Variants in PIK3CA observed in about 807,000 individuals in gnomAD.
The protein encoded by PIK3CA is phosphatidylinositol-4,5-bisphosphate 3-kinase catalytic subunit alpha, also known as phosphatidylinositol 4,5-bisphosphate 3-kinase catalytic subunit alpha isoform.
In PIK3CA, 27 loss-of-function variants were observed where a neutral mutation model predicts 138.2. The ratio of observed to expected loss-of-function variants is 0.20; its 90% CI spans 0.14 to 0.27. The LOEUF is 0.27. Ranked by LOEUF, PIK3CA falls within the 10% of genes least tolerant of loss-of-function variation. PIK3CA has a pLI of 1.00. For missense variants in PIK3CA, 544 were observed against 1,277.4 expected, an observed-to-expected ratio of 0.43 and a Z score of 8.75; for synonymous variants, 358 against 413.2, an observed-to-expected ratio of 0.87 and a Z score of 1.62.
Position 179,239,869 on chromosome 3 carries a change from A to G in PIK3CA, c.*5505A>G, listed in dbSNP as rs1725405539. 1.8e-6 allele frequency: 1 copy of G among 561,682 alleles called. No homozygotes were observed. The highest frequency in any genetic ancestry group is 3.1e-5 in the East Asian group (1 of 32,202). 34.8% of individuals were successfully genotyped at this position (561,682 alleles called of 1,614,324 possible). A position where few individuals can be genotyped will look rare whatever the true frequency, so the allele number is the denominator to read the frequency against. ...AATGTCCTTTTAATGATGGCCCAGA[A>G]AGCATTTGACACAGCAAGATGCATG... On this transcript the variant is annotated 3_prime_UTR_variant, in exon 21 of 21. Transcript: ENST00000263967.
At chr3:179,223,218 A>G (rs1725007446) in intron 14 of PIK3CA, among the ~76,000 whole-genome samples, 1 of 152,254 alleles carries the variant, frequency 6.6e-6, no homozygotes, top group Non-Finnish European at 1.5e-5. Context: ...TCATTTGTAT[A>G]TAACAAGAAG....
intron 1 of PIK3CA, among the ~76,000 whole-genome samples, chr3:179,170,061 T>TGC (rs1459298042): frequency 1.6e-5 from 2 of 127,964 alleles, no homozygotes; most frequent in South Asian, 2.7e-4. Context: ...CACATGCGCG[T>TGC]GCACACGCGC....
chr3:179,149,397 G>T (rs1722950728), intron 1 of PIK3CA: 1 of 152,110 alleles, frequency 6.6e-6, no homozygotes, highest in Non-Finnish European at 1.5e-5. Context: ...TCGGCTCGAG[G>T]GGTTTATTTT....
intron 1 of PIK3CA, among the ~76,000 whole-genome samples, chr3:179,189,213 CA>C (rs918717817): frequency 6.7e-6 from 1 of 149,098 alleles, no homozygotes; most frequent in Non-Finnish European, 1.5e-5. Context: ...GACTCCATCT[CA>C]AAAAAAAAGT....
At chr3:179,198,231 A>C (rs568237298) in intron 1 of PIK3CA, among the ~76,000 whole-genome samples, 18 of 152,222 alleles carry the variant, frequency 1.2e-4, no homozygotes, top group Non-Finnish European at 2.2e-4. Flanking sequence ...CTAAGCCATA[A>C]AATTTCTCAT....
At position 179,225,914 on chromosome 3, in the gene PIK3CA, AT is replaced by A. The variant is rs749782620; in HGVS notation, c.2417-45del. ...AACCATGTGATGGCGTGATCCCCAA[AT>A]TTGCATCTGTGGCATTAAATGGTGA... On this transcript the variant is annotated intron_variant, in intron 16 of 20. Transcript: ENST00000263967. The A allele has an allele frequency of 1.9e-4, 175 of 943,738 alleles. 2 individuals are homozygous for A. The highest frequency in any genetic ancestry group is 2.8e-4 in the Non-Finnish European group (160 of 576,290). The allele number at this position is 943,738 out of a possible 1,614,324, so 58.5% of individuals were successfully genotyped here.
At chr3:179,152,461 C>T (rs1041421648) in intron 1 of PIK3CA, among the ~76,000 whole-genome samples, 3 of 152,116 alleles carry the variant, frequency 2.0e-5, no homozygotes, top group African/African-American at 7.2e-5. Context: ...ACAGTATTGG[C>T]TTTGGAATTT....
chr3:179,173,323 C>T (rs1723607852), intron 1 of PIK3CA, among the ~76,000 whole-genome samples: 1 of 146,574 alleles, frequency 6.8e-6, no homozygotes, highest in South Asian at 2.1e-4. Context: ...CTTTGGGAGG[C>T]TGAGGCGGGT....
At chr3:179,231,754 T>A (rs1268585034) in intron 20 of PIK3CA, among the ~76,000 whole-genome samples, 1 of 146,760 alleles carries the variant, frequency 6.8e-6, no homozygotes, top group Non-Finnish European at 1.5e-5. Flanking sequence ...GCAATTCTCC[T>A]GCCTCAGCCT....
intron 1 of PIK3CA, among the ~76,000 whole-genome samples, chr3:179,161,279 C>T (rs1723273300): frequency 6.6e-6 from 1 of 152,206 alleles, no homozygotes; most frequent in African/African-American, 2.4e-5. Flanking sequence ...CTTCTTGTCT[C>T]TAGGCAAAGG....
chr3:179,173,313 CT>C (rs1723607523), intron 1 of PIK3CA, among the ~76,000 whole-genome samples: 1 of 146,938 alleles, frequency 6.8e-6, no homozygotes, highest in East Asian at 2.0e-4. Flanking sequence ...AATCCCAGCA[CT>C]TTGGGAGGCT....
At position 179,185,358 on chromosome 3, in the gene PIK3CA, A is replaced by T. The variant is rs146345078; in HGVS notation, c.-76-13392A>T. ...CCTTTTTCTAGATTCTGTAGAAATA[A>T]ACCATTTTTCCTCTGCTCTCACACT... On this transcript the variant is annotated intron_variant, in intron 1 of 20. Transcript: ENST00000263967. Among the ~76,000 whole-genome samples, 381 of 152,334 alleles carry T rather than the reference A, an allele frequency of 2.5e-3. 5 individuals carry two copies. The highest frequency in any genetic ancestry group is 8.7e-3 in the African/African-American group (362 of 41,578).
At chr3:179,166,339 C>T (rs952693469) in intron 1 of PIK3CA, among the ~76,000 whole-genome samples, 3 of 152,106 alleles carry the variant, frequency 2.0e-5, no homozygotes, top group African/African-American at 7.2e-5. Flanking sequence ...CCATTTTTAC[C>T]CACACGGCTC....
intron 1 of PIK3CA, among the ~76,000 whole-genome samples, chr3:179,161,879 C>CTA (rs1183051007): frequency 6.6e-6 from 1 of 152,070 alleles, no homozygotes; most frequent in Non-Finnish European, 1.5e-5. Flanking sequence ...GAAAATATCA[C>CTA]TATATGTATA....
At chr3:179,170,310 A>T (rs1022418584) in intron 1 of PIK3CA, among the ~76,000 whole-genome samples, 2 of 152,208 alleles carry the variant, frequency 1.3e-5, no homozygotes, top group Admixed American at 1.3e-4. Context: ...CGCAAATTTT[A>T]ATTTCCTGTA....
intron 3 of PIK3CA, 131 bp from the exon 4 acceptor site, chr3:179,201,159 C>T (rs972226027): frequency 1.4e-6 from 1 of 722,260 alleles, no homozygotes; most frequent in African/African-American, 1.8e-5. Flanking sequence ...TGATATTTAC[C>T]TAGTTTTAAT....
intron 16 of PIK3CA, among the ~76,000 whole-genome samples, chr3:179,225,291 A>G (rs1725057216): frequency 1.3e-5 from 2 of 152,142 alleles, no homozygotes; most frequent in Non-Finnish European, 2.9e-5. Flanking sequence ...GGGACATTAA[A>G]TGAATAATTA....
intron 1 of PIK3CA, among the ~76,000 whole-genome samples, chr3:179,189,588 TA>T (rs63638663): frequency 1.0e-4 from 15 of 148,632 alleles, no homozygotes; most frequent in Admixed American, 1.3e-4. Context: ...TATTTGTCAT[TA>T]AAAAAAAAAT....
intron 1 of PIK3CA, among the ~76,000 whole-genome samples, chr3:179,159,849 G>C: frequency 6.6e-6 from 1 of 152,038 alleles, no homozygotes; most frequent in South Asian, 2.1e-4. Flanking sequence ...CTACAAACCT[G>C]TACAGTATAT....
Sources: allele counts gnomAD v4.1 joint callset (sites outside exome capture counted in the v4.1 genomes callset), GRCh38; gene constraint gnomAD v4.1.1; transcripts MANE v1.5; gene names NCBI Gene and HGNC (gene_info 2026-07-23, HGNC 2026-07-21).